Variants in ATP13A3 observed in about 807,000 individuals in gnomAD.
ATP13A3 encodes the protein ATPase 13A3.
A neutral mutation model predicts 158.1 loss-of-function variants in ATP13A3; 59 were observed. The ratio of observed to expected loss-of-function variants is 0.37; its 90% confidence interval spans 0.30 to 0.46. ATP13A3 has a LOEUF of 0.46. ATP13A3 is among the 20% of genes least tolerant of loss of function. ATP13A3 has a pLI of 1.00. For synonymous variants in ATP13A3, 491 were observed against 504.3 expected (o/e 0.97, Z 0.35); for missense variants, 1,166 against 1,525.2 (o/e 0.76, Z 3.92).
chr3:194,413,105 C>T (rs1715558070), intron 32 of ATP13A3: 1 of 152,212 alleles, frequency 6.6e-6, no homozygotes, highest in South Asian at 2.1e-4. Context: ...CAGACAAAAG[C>T]TTATTAATAA....
At chr3:194,408,308 G>A (rs1285093109) in intron 33 of ATP13A3, among the ~76,000 whole-genome samples, 4 of 152,230 alleles carry the variant, frequency 2.6e-5, no homozygotes, top group South Asian at 2.1e-4. Flanking sequence ...GGCATAAGCC[G>A]CCGCACCTGG....
Position 194,437,377 on chromosome 3 carries a change from T to C in ATP13A3, c.1933A>G (p.Arg645Gly). The change falls in exon 19 of 34, where the codon AGG (arginine) becomes GGG (glycine). Residue 645 changes from arginine (R) to glycine (G), a missense_variant. Coordinates refer to ENST00000645319, the MANE Select transcript of ATP13A3 (RefSeq NM_001367549.1). The stretch of plus-strand genomic sequence containing the variant: ...CCTTTCATGTAGGCGTCCATTTTCC[T>C]ATCCCCCAGCACCCTGGCAACCACA... Reference protein sequence around the residue: ...MSVVARVLGDRKMDAYMKGAP... With the variant: ...MSVVARVLGDGKMDAYMKGAP... 1 of 1,614,172 alleles carries C rather than the reference T, an allele frequency of 6.2e-7. No homozygotes were observed. The highest frequency in any genetic ancestry group is 8.5e-7 in the Non-Finnish European group (1 of 1,180,030).
intron 31 of ATP13A3, among the ~76,000 whole-genome samples, chr3:194,415,062 G>A (rs141846098): frequency 2.6e-5 from 4 of 152,288 alleles, no homozygotes; most frequent in Admixed American, 2.0e-4. Flanking sequence ...ATGGGCAGAG[G>A]GAGTGGAGCC....
chr3:194,447,876 A>T lies in ATP13A3; in HGVS notation c.1284T>A (p.Thr428=). ...CCTCATTTAAAATGCTATTAATAAT[A>T]GTGTAGATAAACCCAATGCCAGCAA... ...VAVAGIGFIY[T]IINSILNEVQ... is the part of the protein sequence containing the mutation. Residue 428 remains threonine (T), a synonymous_variant, in exon 13 of 34, where the codon ACT becomes ACA. Transcript: ENST00000645319. The T allele has an allele frequency of 6.2e-7, 1 of 1,611,594 alleles. No homozygotes were observed. The highest frequency in any genetic ancestry group is 1.7e-5 in the Admixed American group (1 of 60,000).
At chr3:194,482,001 T>C (rs1469827642) in intron 2 of ATP13A3, among the ~76,000 whole-genome samples, 3 of 152,352 alleles carry the variant, frequency 2.0e-5, no homozygotes, top group Middle Eastern at 3.4e-3. Flanking sequence ...GGGTCTAAGA[T>C]GTTAACAGAT....
At chr3:194,470,653 C>T (rs1294416646) in intron 2 of ATP13A3, among the ~76,000 whole-genome samples, 6 of 152,102 alleles carry the variant, frequency 3.9e-5, no homozygotes, top group African/African-American at 1.4e-4. Flanking sequence ...TGTCCACTTA[C>T]GTCACTGAGA....
chr3:194,415,330 G>A (rs1412360191), intron 31 of ATP13A3, among the ~76,000 whole-genome samples: 2 of 152,202 alleles, frequency 1.3e-5, no homozygotes, highest in African/African-American at 2.4e-5. Context: ...GTTGACGAAC[G>A]TGTGGGAGGT....
chr3:194,481,920 T>G (rs931020245), intron 2 of ATP13A3, among the ~76,000 whole-genome samples: 1 of 152,202 alleles, frequency 6.6e-6, no homozygotes, highest in Non-Finnish European at 1.5e-5. Context: ...AATTTTGCGG[T>G]CTTGACGTTT....
chr3:194,413,158 C>T (rs181888428), intron 32 of ATP13A3: 7 of 152,490 alleles, frequency 4.6e-5, no homozygotes, highest in Non-Finnish European at 8.8e-5. Flanking sequence ...AGACGCTAAC[C>T]TAAAGGCAAT....
At chr3:194,469,049 G>A (rs910271438) in intron 2 of ATP13A3, among the ~76,000 whole-genome samples, 3 of 151,580 alleles carry the variant, frequency 2.0e-5, no homozygotes, top group Non-Finnish European at 2.9e-5. Flanking sequence ...CAGGAGAATC[G>A]TTTGAACCTG....
At chr3:194,468,526 A>G (rs1043324635) in intron 2 of ATP13A3, among the ~76,000 whole-genome samples, 1 of 152,158 alleles carries the variant, frequency 6.6e-6, no homozygotes, top group Non-Finnish European at 1.5e-5. Flanking sequence ...AAAGTATACT[A>G]TTTATCCTAT....
chr3:194,412,522 T>A (rs1715517842), intron 32 of ATP13A3: 1 of 492,690 alleles, frequency 2.0e-6, no homozygotes. Context: ...TTCCATGAAA[T>A]ATGGCTTTTG....
chr3:194,445,017 C>T (rs571013776), intron 14 of ATP13A3, among the ~76,000 whole-genome samples: 63 of 151,688 alleles, frequency 4.2e-4, no homozygotes, highest in African/African-American at 1.4e-3. Flanking sequence ...AAATCTTCTG[C>T]GTAAGGGCAG....
chr3:194,423,763 CCT>C (rs1278437518), intron 30 of ATP13A3, among the ~76,000 whole-genome samples: 2 of 152,220 alleles, frequency 1.3e-5, no homozygotes, highest in East Asian at 3.9e-4. Context: ...ATTTCTTAAA[CCT>C]TTTTTAATAA....
chr3:194,448,039 T>G lies in ATP13A3; in HGVS notation c.1151-30A>C, dbSNP rs61087590. The stretch of plus-strand genomic sequence containing the variant: ...CAAAAAAAGAAGACAATTATTGATA[T>G]TTTTATAAGAAAATGAGAATTATCT... On this transcript the variant is annotated intron_variant, in intron 12 of 33. Transcript: ENST00000645319. This position sits in a 1 kb window ranked among gnomAD's most constrained non-coding sequence, Gnocchi z 4.0. 4.0e-5 allele frequency: 61 copies of G among 1,543,754 alleles called. No homozygotes were observed. Among genetic ancestry groups the G allele is most frequent in the Admixed American group, 9.4e-5 (5 of 53,028 alleles).
Position 194,437,375 on chromosome 3 carries a change from C to T in ATP13A3, c.1935G>A (p.Arg645=). The T allele has an allele frequency of 1.2e-6, 2 of 1,614,202 alleles. No homozygotes were observed. Among genetic ancestry groups the T allele is most frequent in the Non-Finnish European group, 1.7e-6 (2 of 1,180,040 alleles). Residue 645 remains arginine, a synonymous_variant, in exon 19 of 34, where the codon AGG becomes AGA. Coordinates refer to ENST00000645319, the MANE Select transcript of ATP13A3 (RefSeq NM_001367549.1). Reference sequence around the variant, plus strand: ...CTCCTTTCATGTAGGCGTCCATTTTCCTATCCCCCAGCACCCTGGCAACCA... The same window carrying T: ...CTCCTTTCATGTAGGCGTCCATTTTTCTATCCCCCAGCACCCTGGCAACCA... ...MSVVARVLGD[R]KMDAYMKGAP... is the part of the protein sequence containing the mutation.
At chr3:194,459,398 G>T in intron 6 of ATP13A3, 73 bp downstream of exon 6, 1 of 1,016,000 alleles carries the variant, frequency 9.8e-7, no homozygotes, top group Non-Finnish European at 1.5e-6. Flanking sequence ...ATGAATACTA[G>T]AATGGACTCT....
At chr3:194,466,999 T>C (rs1204517156) in intron 2 of ATP13A3, among the ~76,000 whole-genome samples, 1 of 152,200 alleles carries the variant, frequency 6.6e-6, no homozygotes, top group Non-Finnish European at 1.5e-5. Context: ...CCAGGTATTA[T>C]CCATAAACTC....
At chr3:194,419,426 TTACTATTTTTTAA>T (rs1039530095) in intron 31 of ATP13A3, among the ~76,000 whole-genome samples, 13 of 152,168 alleles carry the variant, frequency 8.5e-5, no homozygotes, top group African/African-American at 2.9e-4. Context: ...TGTTATCTCT[TTACTATTTTTTAA>T]TTATGGCTAA....
Sources: allele counts gnomAD v4.1 joint callset (sites outside exome capture counted in the v4.1 genomes callset), GRCh38; gene constraint gnomAD v4.1.1; non-coding constraint Gnocchi (gnomAD v3.1); transcripts MANE v1.5; gene names NCBI Gene and HGNC (gene_info 2026-07-23, HGNC 2026-07-21).